Variants in MBD5 observed in about 807,000 individuals in gnomAD.
MBD5 encodes methyl-CpG-binding domain protein 5.
A neutral mutation model predicts 117.3 loss-of-function variants in MBD5; 13 were observed. That is an observed-to-expected ratio of 0.11 (90% CI 0.07 to 0.18). MBD5 has a LOEUF of 0.18. MBD5 is among the 10% of genes least tolerant of loss of function. The pLI is 1.00. For synonymous variants in MBD5, 727 were observed against 766.4 expected (o/e 0.95, Z 0.85); for missense variants, 1,879 against 2,093.8 (o/e 0.90, Z 2.00).
chr2:148,269,914 A>AT (rs958604623), intron 3 of MBD5, among the ~76,000 whole-genome samples: 7 of 151,630 alleles, frequency 4.6e-5, no homozygotes, highest in Non-Finnish European at 7.4e-5. Context: ...CTTACTGAAG[A>AT]TTTTTTCTTA....
chr2:148,149,625 C>A (rs1253958139), intron 1 of MBD5, among the ~76,000 whole-genome samples: 2 of 151,706 alleles, frequency 1.3e-5, no homozygotes, highest in African/African-American at 2.4e-5. Flanking sequence ...TTTTAATGAT[C>A]GCCATTCTAA....
intron 4 of MBD5, among the ~76,000 whole-genome samples, chr2:148,363,484 C>T (rs569526659): frequency 1.4e-4 from 21 of 152,214 alleles, no homozygotes; most frequent in Admixed American, 3.9e-4. Flanking sequence ...CCACCTACCT[C>T]GGCCTCCCAA....
chr2:148,244,973 TAAACAA>T (rs67148628), intron 3 of MBD5, among the ~76,000 whole-genome samples: 71,924 of 151,742 alleles, frequency 0.47, 17,293 homozygotes, highest in East Asian at 0.71. Flanking sequence ...TTTGCCATCT[TAAACAA>T]AAGATAAATT....
rs1693704177 is a variant in MBD5, at chr2:148,021,292, C to T, written c.-1317C>T. On this transcript the variant is annotated 5_prime_UTR_variant, in exon 1 of 14. Transcript: ENST00000642680. Reference sequence around the variant, plus strand: ...CCTGAGCCCTGAGAGGGGGATTGAGCCTGAGAGAGGAGAAGGAGTTTCTTC... The same window carrying T: ...CCTGAGCCCTGAGAGGGGGATTGAGTCTGAGAGAGGAGAAGGAGTTTCTTC... 2.6e-6 allele frequency: 1 copy of T among 377,898 alleles called. No individual in the cohort carries two copies. Among genetic ancestry groups the T allele is most frequent in the Non-Finnish European group, 5.2e-6 (1 of 191,584 alleles). 23.4% of individuals were successfully genotyped at this position (377,898 alleles called of 1,614,324 possible).
intron 12 of MBD5, among the ~76,000 whole-genome samples, chr2:148,506,090 T>A (rs1228457694): frequency 1.3e-5 from 2 of 152,246 alleles, no homozygotes; most frequent in African/African-American, 4.8e-5. Context: ...TCTACCACCA[T>A]ATTAGATGTT....
chr2:148,049,702 G>A (rs571377135), intron 1 of MBD5, among the ~76,000 whole-genome samples: 2 of 152,082 alleles, frequency 1.3e-5, no homozygotes, highest in Non-Finnish European at 2.9e-5. Flanking sequence ...ATACCTGTTA[G>A]CAGTAACTTC....
At chr2:148,179,542 A>C (rs902961465) in intron 2 of MBD5, among the ~76,000 whole-genome samples, 3 of 152,212 alleles carry the variant, frequency 2.0e-5, no homozygotes, top group Non-Finnish European at 4.4e-5. Context: ...ATAGTTTCAT[A>C]TACTCATAAC....
intron 2 of MBD5, among the ~76,000 whole-genome samples, chr2:148,179,333 T>C (rs1011083662): frequency 6.8e-6 from 1 of 147,726 alleles, no homozygotes; most frequent in Non-Finnish European, 1.5e-5. Context: ...CCAGCCTGGG[T>C]GACAGAGCGA....
intron 1 of MBD5, among the ~76,000 whole-genome samples, chr2:148,165,181 G>A (rs1530757): frequency 0.96 from 146,654 of 152,246 alleles, 70,868 homozygotes; most frequent in East Asian, 1. Context: ...AAGCAACACA[G>A]ATCACTGATT....
chr2:148,382,112 T>G (rs1216688613), intron 4 of MBD5, among the ~76,000 whole-genome samples: 1 of 152,094 alleles, frequency 6.6e-6, no homozygotes, highest in Non-Finnish European at 1.5e-5. Context: ...ATAACAATAC[T>G]AACCTCAAAT....
intron 2 of MBD5, among the ~76,000 whole-genome samples, chr2:148,187,277 A>G (rs1396872416): frequency 1.3e-5 from 2 of 152,102 alleles, no homozygotes; most frequent in African/African-American, 4.8e-5. Flanking sequence ...TTAGAGAGTA[A>G]GAAAACTGAA....
At chr2:148,092,087 A>T (rs1695959355) in intron 1 of MBD5, among the ~76,000 whole-genome samples, 1 of 152,310 alleles carries the variant, frequency 6.6e-6, no homozygotes, top group East Asian at 1.9e-4. Flanking sequence ...TCAGGTAAAT[A>T]AATGCAAACC....
intron 1 of MBD5, among the ~76,000 whole-genome samples, chr2:148,089,087 C>G (rs1284230905): frequency 6.6e-6 from 1 of 151,954 alleles, no homozygotes; most frequent in Admixed American, 6.6e-5. Context: ...TTTAAAGTAA[C>G]AACAGTTTAA....
At chr2:148,413,543 A>G (rs548226018) in intron 4 of MBD5, among the ~76,000 whole-genome samples, 108 of 151,124 alleles carry the variant, frequency 7.1e-4, no homozygotes, top group Admixed American at 1.3e-3. Flanking sequence ...TTCAGTAGAA[A>G]TGGTACCAGA....
chr2:148,113,333 TCTC>T (rs1438346733), intron 1 of MBD5, among the ~76,000 whole-genome samples: 1 of 152,208 alleles, frequency 6.6e-6, no homozygotes, highest in Non-Finnish European at 1.5e-5. Context: ...TTGTGTTTCA[TCTC>T]CTGGGAATAT....
chr2:148,491,506 A>C (rs1681526208), intron 11 of MBD5, among the ~76,000 whole-genome samples: 1 of 152,038 alleles, frequency 6.6e-6, no homozygotes. Context: ...ATTCTCGTAA[A>C]GAGTGTATTG....
At chr2:148,509,927 C>A (rs1466393198) in intron 12 of MBD5, 133 bp from the exon 13 acceptor site, 6 of 704,330 alleles carry the variant, frequency 8.5e-6, no homozygotes, top group Admixed American at 2.1e-5. Context: ...GTTTTGTCAT[C>A]TGAATTTTCC....
chr2:148,488,352 T>C (rs958174431), intron 10 of MBD5, among the ~76,000 whole-genome samples: 4 of 152,204 alleles, frequency 2.6e-5, no homozygotes, highest in Non-Finnish European at 5.9e-5. Flanking sequence ...CTAGAAGATC[T>C]AGGATTGATG....
At chr2:148,112,760 G>A (rs1696530551) in intron 1 of MBD5, among the ~76,000 whole-genome samples, 1 of 151,208 alleles carries the variant, frequency 6.6e-6, no homozygotes, top group Non-Finnish European at 1.5e-5. Context: ...TGCTGAAATT[G>A]GAAAAAAAAA....
Sources: gnomAD v4.1 joint callset for allele counts (sites outside exome capture counted in the v4.1 genomes callset) on GRCh38, gnomAD v4.1.1 for gene constraint, MANE v1.5 for transcripts, NCBI Gene and HGNC (gene_info 2026-07-23, HGNC 2026-07-21) for gene names.